Variants in TIPIN observed in about 807,000 individuals in gnomAD.
The protein encoded by TIPIN is TIMELESS-interacting protein.
TIPIN carries 29 observed loss-of-function variants against 35.6 expected under a neutral mutation model. The observed-to-expected ratio is 0.82, with a 90% CI of 0.61 to 1.11. The LOEUF (loss-of-function observed/expected upper bound fraction) is 1.11, where lower values mean the gene tolerates loss of function less well. TIPIN is among the 50% of genes most tolerant of loss of function. The pLI is 0.00. For missense variants in TIPIN, 296 were observed against 345.4 expected (o/e 0.86, Z 1.13); for synonymous variants, 102 against 121.5 (o/e 0.84, Z 1.06).
chr15:66,381,561 A>G (rs2140503023), intron 1 of TIPIN, among the ~76,000 whole-genome samples: 1 of 152,294 alleles, frequency 6.6e-6, no homozygotes, highest in Admixed American at 6.5e-5. Context: ...ATTTCATCAT[A>G]TGGGTGTGTC....
intron 6 of TIPIN, among the ~76,000 whole-genome samples, chr15:66,344,276 A>G (rs1039923336): frequency 1.3e-5 from 2 of 152,020 alleles, no homozygotes; most frequent in Non-Finnish European, 2.9e-5. Context: ...TCCTGGCTTC[A>G]AATGAACTCA....
chr15:66,351,313 C>G (rs2093166316), intron 4 of TIPIN, among the ~76,000 whole-genome samples: 1 of 152,106 alleles, frequency 6.6e-6, no homozygotes, highest in African/African-American at 2.4e-5. Flanking sequence ...TTCCTATAGC[C>G]AAGGTTTAAG....
chr15:66,371,780 G>C (rs1244304327), intron 1 of TIPIN, among the ~76,000 whole-genome samples: 1 of 151,694 alleles, frequency 6.6e-6, no homozygotes, highest in Non-Finnish European at 1.5e-5. Context: ...GCCTCCCAAA[G>C]TGCTGGGATT....
chr15:66,373,798 G>T (rs2093286142), intron 1 of TIPIN, among the ~76,000 whole-genome samples: 1 of 152,108 alleles, frequency 6.6e-6, no homozygotes, highest in East Asian at 1.9e-4. Flanking sequence ...CAACTACTGG[G>T]TGCAACTGAT....
At chr15:66,371,514 G>C in intron 1 of TIPIN, 2 of 420,896 alleles carry the variant, frequency 4.8e-6, no homozygotes, top group Non-Finnish European at 6.2e-6. Flanking sequence ...TCTGGTAATT[G>C]TTTCTTTTTT....
intron 1 of TIPIN, among the ~76,000 whole-genome samples, chr15:66,361,928 G>A (rs749905316): frequency 3.9e-5 from 6 of 152,034 alleles, no homozygotes; most frequent in Non-Finnish European, 8.8e-5. Flanking sequence ...GCAGTGAGCC[G>A]AGATTGTGCC....
rs767406170 is a variant in TIPIN at position 66,341,167 on chromosome 15, C to A, written c.665G>T (p.Ser222Ile). The A allele has an allele frequency of 3.7e-6, 6 of 1,611,808 alleles. No homozygotes were observed. The highest frequency in any genetic ancestry group is 5.1e-6 in the Non-Finnish European group (6 of 1,179,886). The change falls in exon 7 of 8, where the codon AGT becomes ATT. Residue 222 changes from serine (S) to isoleucine (I), a missense_variant. Physicochemically the swap from Ser to Ile is moderately radical, Grantham distance 142. Transcript: ENST00000261881. ...AAATTTACCATTTCCTAGGGTCTGA[C>A]TATTACTCAGCAGCTTTGCCTGCCT... is the stretch of plus-strand genomic sequence containing the variant. ...ERRQAKLLSN[S>I]QTLGNDMLMN...
Position 66,379,136 on chromosome 15 carries a change from G to A in TIPIN, c.-9+7471C>T, listed in dbSNP as rs765503946. 51 of 629,134 alleles carry A rather than the reference G, an allele frequency of 8.1e-5. 1 individual carries two copies. Among genetic ancestry groups the A allele is most frequent in the Non-Finnish European group, 1.1e-4 (44 of 393,488 alleles). The allele number at this position is 629,134 out of a possible 1,614,324, so 39.0% of individuals were successfully genotyped here. A position where few individuals can be genotyped will look rare whatever the true frequency, so the allele number is the denominator to read the frequency against. On this transcript the variant is annotated intron_variant, in intron 1 of 7. Transcript: ENST00000562124. ...ACTCCTGGCGTTAAGCAATTGTCCC[G>A]CCTCTGCCTCCCAAAATGCTGGAAT...
rs1374914584 is a variant in TIPIN at position 66,337,164 on chromosome 15, G to A, written c.700C>T (p.Pro234Ser). The A allele has an allele frequency of 6.2e-7, 1 of 1,613,450 alleles. No individual in the cohort carries two copies. Among genetic ancestry groups the A allele is most frequent in the South Asian group, 1.1e-5 (1 of 91,058 alleles). Reference sequence around the variant, plus strand: ...ACCTCTTCAACCGTGTGTGCCCTGGGTGTATTCATTAACATATCTGAAAGA... The same window carrying A: ...ACCTCTTCAACCGTGTGTGCCCTGGATGTATTCATTAACATATCTGAAAGA... ...TLGNDMLMNT[P>S]RAHTVEEVNT... is the part of the protein sequence containing the mutation. The change falls in exon 8 of 8, where the codon CCC becomes TCC. Residue 234 changes from proline to serine, a missense_variant. Coordinates refer to ENST00000261881, the MANE Select transcript of TIPIN (RefSeq NM_017858.3).
intron 7 of TIPIN, among the ~76,000 whole-genome samples, chr15:66,338,325 G>A (rs1156681335): frequency 6.6e-6 from 1 of 152,158 alleles, no homozygotes; most frequent in Non-Finnish European, 1.5e-5. Context: ...TTATGTCAGA[G>A]TGATCCATAA....
chr15:66,375,892 G>A (rs532619976), intron 1 of TIPIN, among the ~76,000 whole-genome samples: 1 of 151,648 alleles, frequency 6.6e-6, no homozygotes, highest in African/African-American at 2.4e-5. Flanking sequence ...CTTGAGGCAA[G>A]GAGTTCAAGA....
chr15:66,379,291 G>C, intron 1 of TIPIN: 1 of 1,551,872 alleles, frequency 6.4e-7, no homozygotes, highest in South Asian at 1.2e-5. Flanking sequence ...GTAGGTCTTA[G>C]GAGTCATCTG....
At chr15:66,374,414 GTATT>G (rs1306484883) in intron 1 of TIPIN, among the ~76,000 whole-genome samples, 1 of 151,658 alleles carries the variant, frequency 6.6e-6, no homozygotes, top group Non-Finnish European at 1.5e-5. Flanking sequence ...TTTTAAAAGT[GTATT>G]TATTTATTTT....
intron 1 of TIPIN, chr15:66,380,057 A>C (rs1421355127): frequency 7.4e-6 from 3 of 406,186 alleles, no homozygotes; most frequent in Non-Finnish European, 1.3e-5. Flanking sequence ...GCTGGAGTGC[A>C]GTGGCGCTAT....
rs1004175149 is a variant in TIPIN, at chr15:66,336,323, G to C, written c.*635C>G. ...AATCCCAGCACTTTGGGAGGCCGAG[G>C]GGGGCGGATTACCTGAGGTTAGGAG... On this transcript the variant is annotated 3_prime_UTR_variant, in exon 8 of 8. Coordinates refer to ENST00000261881, the MANE Select transcript of TIPIN (RefSeq NM_017858.3). 7.9e-5 allele frequency: 12 copies of C among 152,602 alleles called. No individual in the cohort carries two copies. Among genetic ancestry groups the C allele is most frequent in the African/African-American group, 2.9e-4 (12 of 41,448 alleles). 9.5% of individuals were successfully genotyped at this position (152,602 alleles called of 1,614,324 possible).
intron 7 of TIPIN, among the ~76,000 whole-genome samples, chr15:66,338,835 A>AAG (rs2093064123): frequency 6.9e-6 from 1 of 144,640 alleles, no homozygotes; most frequent in Admixed American, 7.0e-5. Flanking sequence ...AAAAAAAAAA[A>AAG]GGAAAAAGTA....
At chr15:66,341,911 C>A (rs903786135) in intron 6 of TIPIN, among the ~76,000 whole-genome samples, 1 of 152,050 alleles carries the variant, frequency 6.6e-6, no homozygotes, top group Non-Finnish European at 1.5e-5. Flanking sequence ...GAAGGCCGGG[C>A]GCGGTGGCTC....
rs888694374 is a variant in TIPIN at position 66,349,324 on chromosome 15, C to CT, written c.401dup (p.Glu135GlyfsTer12). The CT allele has an allele frequency of 1.9e-6, 3 of 1,613,564 alleles. No homozygotes were observed. The highest frequency in any genetic ancestry group is 1.3e-5 in the African/African-American group (1 of 75,040). On this transcript the variant is annotated frameshift_variant, in exon 5 of 8. Coordinates refer to ENST00000261881, the MANE Select transcript of TIPIN (RefSeq NM_017858.3). LOFTEE classifies it high-confidence loss of function. Reference sequence around the variant, plus strand: ...TCATCTCAACACTTACCTGAACTTCCTTTTTACTTCCCAGGTATTCAACTC... The same window carrying CT: ...TCATCTCAACACTTACCTGAACTTCCTTTTTTACTTCCCAGGTATTCAACTC...
intron 1 of TIPIN, among the ~76,000 whole-genome samples, chr15:66,367,736 T>C (rs1009712797): frequency 3.3e-5 from 5 of 151,454 alleles, no homozygotes; most frequent in African/African-American, 1.2e-4. Flanking sequence ...ATTTTTTATG[T>C]TTTTTTTCCA....
Sources: allele counts gnomAD v4.1 joint callset (sites outside exome capture counted in the v4.1 genomes callset), GRCh38; gene constraint gnomAD v4.1.1; transcripts MANE v1.5; gene names NCBI Gene and HGNC (gene_info 2026-07-23, HGNC 2026-07-21).